Variants in ALDH1A2 observed in about 807,000 individuals in gnomAD.
The protein encoded by ALDH1A2 is aldehyde dehydrogenase 1 family member A2.
ALDH1A2 carries 27 observed loss-of-function variants against 60.3 expected under a neutral mutation model. That is an observed-to-expected ratio of 0.45 (90% CI 0.33 to 0.62). ALDH1A2 has a LOEUF of 0.62. Among genes scored for constraint, ALDH1A2 ranks in the 20% least tolerant of loss-of-function variants. The pLI, the probability that ALDH1A2 is intolerant of heterozygous loss-of-function variation, is 0.02. For synonymous variants in ALDH1A2, 289 were observed against 232.4 expected (o/e 1.24, Z -2.21); for missense variants, 581 against 643.8 (o/e 0.90, Z 1.06).
chr15:58,027,042 T>C (rs1896098784), intron 1 of ALDH1A2, among the ~76,000 whole-genome samples: 1 of 152,114 alleles, frequency 6.6e-6, no homozygotes. Flanking sequence ...CAGCACGGTG[T>C]TTGAGCTATG....
chr15:57,998,399 C>T (rs934114020), intron 4 of ALDH1A2, among the ~76,000 whole-genome samples: 1 of 152,060 alleles, frequency 6.6e-6, no homozygotes. Flanking sequence ...CATTCCTATA[C>T]ACCAACAATA....
intron 1 of ALDH1A2, among the ~76,000 whole-genome samples, chr15:58,047,877 A>G (rs1184641719): frequency 2.6e-5 from 4 of 152,024 alleles, no homozygotes; most frequent in African/African-American, 4.8e-5. Context: ...TAGATGATTG[A>G]TTGCATTTTT....
intron 1 of ALDH1A2, among the ~76,000 whole-genome samples, chr15:58,020,284 T>C (rs1352043357): frequency 6.6e-6 from 1 of 152,210 alleles, no homozygotes; most frequent in Non-Finnish European, 1.5e-5. Context: ...TGAACATACG[T>C]GTGCATGTAT....
intron 1 of ALDH1A2, among the ~76,000 whole-genome samples, chr15:58,064,940 G>A (rs1308180119): frequency 1.3e-5 from 2 of 152,270 alleles, no homozygotes; most frequent in Non-Finnish European, 2.9e-5. Flanking sequence ...CAGGGAAACT[G>A]CCGCTGCCTA....
At chr15:57,972,156 GACA>G in intron 7 of ALDH1A2, among the ~76,000 whole-genome samples, 1 of 152,102 alleles carries the variant, frequency 6.6e-6, no homozygotes, top group East Asian at 1.9e-4. Context: ...AAAAAGACAA[GACA>G]AGACTCACAG....
At chr15:57,998,721 C>A (rs191552777) in intron 4 of ALDH1A2, among the ~76,000 whole-genome samples, 2 of 151,700 alleles carry the variant, frequency 1.3e-5, no homozygotes, top group Non-Finnish European at 2.9e-5. Context: ...TCATATGGAA[C>A]CTAAAGAGCC....
chr15:57,965,656 AGT>A, intron 8 of ALDH1A2, 67 bp downstream of exon 8: 2 of 1,124,076 alleles, frequency 1.8e-6, no homozygotes, highest in Non-Finnish European at 2.7e-6. Flanking sequence ...TCCCATCAAA[AGT>A]GGAGATATAA....
chr15:58,029,954 C>G (rs1194439914), intron 1 of ALDH1A2, among the ~76,000 whole-genome samples: 1 of 152,064 alleles, frequency 6.6e-6, no homozygotes, highest in Non-Finnish European at 1.5e-5. Context: ...AACAGAGGTA[C>G]AAACAGCAAA....
chr15:58,005,802 G>A (rs1263045019), intron 4 of ALDH1A2, among the ~76,000 whole-genome samples: 1 of 151,804 alleles, frequency 6.6e-6, no homozygotes, highest in Non-Finnish European at 1.5e-5. Context: ...TTACCCATAT[G>A]ATTAGGATCT....
intron 7 of ALDH1A2, among the ~76,000 whole-genome samples, chr15:57,972,702 T>TAATA (rs1894111553): frequency 6.6e-6 from 1 of 152,238 alleles, no homozygotes; most frequent in Non-Finnish European, 1.5e-5. Context: ...AGTTTTATGC[T>TAATA]AATAGTTTAA....
chr15:58,035,924 T>A (rs1214722941), intron 1 of ALDH1A2, among the ~76,000 whole-genome samples: 1 of 151,702 alleles, frequency 6.6e-6, no homozygotes, highest in Non-Finnish European at 1.5e-5. Context: ...GAACTGGTAT[T>A]GGCATTCACC....
At chr15:57,985,246 C>G (rs17820894) in intron 7 of ALDH1A2, among the ~76,000 whole-genome samples, 5,279 of 152,262 alleles carry the variant, frequency 0.035, 151 homozygotes, top group Admixed American at 0.092. Context: ...TTTGTGTTCT[C>G]CTGCTTCGAG....
intron 1 of ALDH1A2, among the ~76,000 whole-genome samples, chr15:58,016,772 AT>A (rs1269232606): frequency 6.6e-6 from 1 of 152,144 alleles, no homozygotes; most frequent in Admixed American, 6.5e-5. Context: ...GGAAAAAAAA[AT>A]TACGAAATTG....
chr15:58,024,478 T>C (rs368575247), intron 1 of ALDH1A2, among the ~76,000 whole-genome samples: 20 of 152,278 alleles, frequency 1.3e-4, no homozygotes, highest in African/African-American at 4.1e-4. Context: ...AAGAAGTTCA[T>C]TATATAATAT....
intron 1 of ALDH1A2, among the ~76,000 whole-genome samples, chr15:58,058,379 G>A (rs1397125718): frequency 6.7e-6 from 1 of 149,674 alleles, no homozygotes; most frequent in African/African-American, 2.5e-5. Flanking sequence ...TTACTGGGAG[G>A]TAATTCCATT....
chr15:57,988,247 T>A (rs1400943184), intron 7 of ALDH1A2, among the ~76,000 whole-genome samples: 1 of 152,190 alleles, frequency 6.6e-6, no homozygotes, highest in Non-Finnish European at 1.5e-5. Context: ...GTATATGAAG[T>A]AACATAAAGT....
intron 1 of ALDH1A2, among the ~76,000 whole-genome samples, chr15:58,051,328 AT>A (rs1480518408): frequency 6.6e-6 from 1 of 151,878 alleles, no homozygotes; most frequent in African/African-American, 2.4e-5. Flanking sequence ...ATTTTGAGAA[AT>A]TTTTGTACAT....
chr15:58,034,455 A>G (rs1232728156), intron 1 of ALDH1A2, among the ~76,000 whole-genome samples: 1 of 151,676 alleles, frequency 6.6e-6, no homozygotes, highest in African/African-American at 2.4e-5. Context: ...CAGTCTGTAT[A>G]CATTTTCTTT....
intron 1 of ALDH1A2, among the ~76,000 whole-genome samples, chr15:58,024,592 G>A (rs747196833): frequency 1.3e-5 from 2 of 152,044 alleles, no homozygotes; most frequent in Non-Finnish European, 2.9e-5. Flanking sequence ...TAAATAGACA[G>A]ACTACAATAC....
Sources: gnomAD v4.1 joint callset for allele counts (sites outside exome capture counted in the v4.1 genomes callset) on GRCh38, gnomAD v4.1.1 for gene constraint, MANE v1.5 for transcripts, NCBI Gene and HGNC (gene_info 2026-07-23, HGNC 2026-07-21) for gene names.